HELZ2: variants seen among roughly 807,000 people sequenced by gnomAD.
The protein encoded by HELZ2 is helicase with zinc finger 2.
Under a neutral mutation model 208.8 loss-of-function variants are expected in HELZ2, and 143 were observed. The observed-to-expected ratio is 0.68, with a 90% confidence interval of 0.60 to 0.79. HELZ2 has a LOEUF of 0.79. HELZ2 is among the 30% of genes least tolerant of loss of function. The probability of loss-of-function intolerance (pLI) is 0.00; values close to 1 mark genes in which losing one functional copy is unlikely to be tolerated. For missense variants in HELZ2, 3,690 were observed against 3,794.5 expected (o/e 0.97, Z 0.72); for synonymous variants, 1,705 against 1,693.7 (o/e 1.01, Z -0.16).
chr20:63,568,470 G>A, exon 5 of HELZ2: 1 of 1,595,144 alleles, frequency 6.3e-7, no homozygotes, highest in Non-Finnish European at 8.5e-7. Context: ...TAGATGAGTA[G>A]CGGGGGGACA....
At chr20:63,559,075 A>G (rs1310437914), downstream of HELZ2, 6 of 701,928 alleles carry the variant, frequency 8.5e-6, no homozygotes, top group Non-Finnish European at 1.4e-5. Flanking sequence ...GAGTGTGGGG[A>G]CCGGCCCTTG....
chr20:63,570,445 G>A (rs2083005600), intron 3 of HELZ2, 59 bp downstream of exon 4: 1 of 1,414,946 alleles, frequency 7.1e-7, no homozygotes, highest in Non-Finnish European at 9.9e-7. Context: ...GTCTGCCCGG[G>A]CTGAAGTCAC....
chr20:63,567,862 T>C (rs373346338), intron 5 of HELZ2: 167 of 812,678 alleles, frequency 2.1e-4, no homozygotes, highest in South Asian at 1.7e-3. Flanking sequence ...TGCAGACACC[T>C]GCACCTCCCT....
At chr20:63,572,270 T>C in exon 1 of HELZ2, 1 of 1,587,034 alleles carries the variant, frequency 6.3e-7, no homozygotes, top group Non-Finnish European at 8.6e-7. Context: ...GCAGTACAGC[T>C]GGGCCCCAGG....
intron 5 of HELZ2, 177 bp from the exon 7 acceptor site, chr20:63,567,804 G>A (rs920744019): frequency 3.1e-5 from 43 of 1,406,426 alleles, no homozygotes; most frequent in African/African-American, 7.2e-5. Flanking sequence ...AAGAGGCCAC[G>A]GAGGGCTTCA....
At chr20:63,569,476 C>A (rs748557648) in exon 4 of HELZ2, 10 of 1,611,504 alleles carry the variant, frequency 6.2e-6, no homozygotes, top group Non-Finnish European at 8.5e-6. Context: ...AAGTCGAAGA[C>A]CACCCATTGC....
chr20:63,569,381 G>A (rs147054984), exon 4 of HELZ2: 85 of 1,608,714 alleles, frequency 5.3e-5, no homozygotes, highest in African/African-American at 3.5e-4. Context: ...CAGGGTGGCC[G>A]AGCGCCAGAT....
upstream of HELZ2, chr20:63,572,660 A>C: frequency 4.5e-6 from 2 of 444,490 alleles, no homozygotes; most frequent in Non-Finnish European, 8.0e-6. Context: ...GCGGCCGCCA[A>C]ACTCCGTAAG....
chr20:63,569,239 C>A, exon 4 of HELZ2: 1 of 1,566,660 alleles, frequency 6.4e-7, no homozygotes, highest in Non-Finnish European at 8.7e-7. Context: ...GGGCCCGAGG[C>A]CACGCTGCTG....
intron 1 of HELZ2, 64 bp from the exon 3 acceptor site, chr20:63,570,932 C>T (rs1048245369): frequency 1.8e-5 from 24 of 1,362,496 alleles, no homozygotes; most frequent in Admixed American, 6.5e-5. Flanking sequence ...GTTCAAAGGC[C>T]GGGACCCCTC....
At chr20:63,564,817 C>T (rs752559791) in exon 8 of HELZ2, 3 of 1,610,058 alleles carry the variant, frequency 1.9e-6, no homozygotes, top group African/African-American at 1.3e-5. Context: ...CGCGGCAGTC[C>T]TCTCGGCGGC....
At chr20:63,568,864 G>T in exon 5 of HELZ2, 1 of 1,612,226 alleles carries the variant, frequency 6.2e-7, no homozygotes. Flanking sequence ...CCAGCAGGAA[G>T]CCCTGGTCTG....
rs755141131 is a variant in HELZ2, at chr20:63,564,972, G to A, written c.3850C>T (p.Arg1284Trp). The A allele has an allele frequency of 7.6e-5, 122 of 1,604,600 alleles. No individual in the cohort carries two copies. Among genetic ancestry groups the A allele is most frequent in the Non-Finnish European group, 1.0e-4 (117 of 1,174,406 alleles). ...GTGCTGGCCTCAGGCAGCACCTCCC[G>A]GACGATGCCCAGCGGGTAGTAGAAG... The change falls in exon 8 of 19, where the codon CGG (arginine) becomes TGG (tryptophan). Residue 1284 changes from arginine (R) to tryptophan (W), a missense_variant. Transcript: ENST00000467148.
At position 63,562,976 on chromosome 20, in the gene HELZ2, C is replaced by T. The variant is rs1372315033; in HGVS notation, c.5846G>A (p.Cys1949Tyr). 3 of 1,594,982 alleles carry T rather than the reference C, an allele frequency of 1.9e-6. No individual in the cohort carries two copies. The South Asian group carries it at 3.4e-5, about 18-fold the overall frequency. The change falls in exon 8 of 19, where the codon TGC becomes TAC. Residue 1949 changes from cysteine (C) to tyrosine (Y), a missense_variant. Around this residue, in one of 3 missense-constraint regions of HELZ2, gnomAD observed 2,564 missense variants for 2,580.5 expected, o/e 0.99. Transcript: ENST00000467148. The stretch of plus-strand genomic sequence containing the variant: ...CGCGCCGGTGGCCGACTCCAGGGCG[C>T]AGAATGGTTCCCACACGCAGGCGTA...
chr20:63,561,598 C>A lies in HELZ2; in HGVS notation c.6836+3G>T, dbSNP rs2082887534. ...GCCCAAGCCCCAAAGACAGCAGGCACACCTGAGGCTCTGGTTCGGCCTCCC... is the reference window on the plus strand; with the variant it reads ...GCCCAAGCCCCAAAGACAGCAGGCAAACCTGAGGCTCTGGTTCGGCCTCCC... On this transcript the variant is annotated splice_donor_region_variant and intron_variant, in intron 12 of 18. Coordinates refer to ENST00000467148, the Ensembl canonical transcript of HELZ2. 7 of 1,600,286 alleles carry A rather than the reference C, an allele frequency of 4.4e-6. No individual in the cohort carries two copies. Among genetic ancestry groups the A allele is most frequent in the Non-Finnish European group, 6.0e-6 (7 of 1,173,162 alleles).
chr20:63,565,892 G>A (rs896823406), exon 8 of HELZ2: 4 of 1,597,056 alleles, frequency 2.5e-6, no homozygotes, highest in African/African-American at 1.3e-5. Context: ...TGGCTCTGGG[G>A]CAGCCTCCCA....
chr20:63,562,972 G>A, exon 8 of HELZ2: 1 of 1,593,342 alleles, frequency 6.3e-7, no homozygotes, highest in Non-Finnish European at 8.5e-7. Context: ...CCGACTCCAG[G>A]GCGCAGAATG....
chr20:63,562,538 G>GGCA, exon 8 of HELZ2: 1 of 1,587,658 alleles, frequency 6.3e-7, no homozygotes, highest in Non-Finnish European at 8.6e-7. Context: ...AAGCTGCTTG[G>GGCA]GCAGCAGCTC....
chr20:63,572,132 A>G, exon 1 of HELZ2: 1 of 1,611,092 alleles, frequency 6.2e-7, no homozygotes, highest in East Asian at 2.2e-5. Context: ...GAACTTGGAG[A>G]GTCCCGGGGG....
Sources: gnomAD v4.1 joint callset for allele counts on GRCh38, gnomAD v4.1.1 for gene constraint, gnomAD v4.1.1 regional missense constraint, MANE v1.5 for transcripts, NCBI Gene and HGNC (gene_info 2026-07-23, HGNC 2026-07-21) for gene names.